The following MSH6 variants were observed in gnomAD, a reference collection of about 807,000 sequenced individuals.
MSH6 encodes the protein DNA mismatch repair protein Msh6.
Under a neutral mutation model 119.1 loss-of-function variants are expected in MSH6, and 85 were observed. That is an observed-to-expected ratio of 0.71 (90% CI 0.60 to 0.85). MSH6 has a LOEUF of 0.85. MSH6 is among the 40% of genes least tolerant of loss of function. The probability of loss-of-function intolerance (pLI) is 0.00; values close to 1 mark genes in which losing one functional copy is unlikely to be tolerated. For synonymous variants in MSH6, 830 were observed against 586.9 expected, an observed-to-expected ratio of 1.41 and a Z score of -5.99; for missense variants, 2,163 against 1,655.3, an observed-to-expected ratio of 1.31 and a Z score of -5.32.
intron 1 of MSH6, 169 bp downstream of exon 1, chr2:47,783,662 G>T (rs2103950125): frequency 1.6e-6 from 1 of 638,892 alleles, no homozygotes; most frequent in East Asian, 3.4e-5. Context: ...CGAGTCTGGA[G>T]CATTTGGGGG....
intron 5 of MSH6, among the ~76,000 whole-genome samples, chr2:47,804,323 A>T (rs1230303363): frequency 6.6e-6 from 1 of 152,150 alleles, no homozygotes; most frequent in Non-Finnish European, 1.5e-5. Context: ...TTCTCTTTAT[A>T]ACCAGGGGTT....
chr2:47,790,259 A>C (rs1668646160), intron 1 of MSH6, among the ~76,000 whole-genome samples: 1 of 151,952 alleles, frequency 6.6e-6, no homozygotes, highest in South Asian at 2.1e-4. Flanking sequence ...CTGACTCTAC[A>C]AAAAAAAGGT....
At position 47,791,001 on chromosome 2, in the gene MSH6, A is replaced by T. The variant is rs587779934; in HGVS notation, c.335A>T (p.Asn112Ile). 3 of 1,614,226 alleles carry T rather than the reference A, an allele frequency of 1.9e-6. No individual in the cohort carries two copies. The highest frequency in any genetic ancestry group is 1.7e-6 in the Non-Finnish European group (2 of 1,180,046). The change falls in exon 2 of 10, where the codon AAC (asparagine) becomes ATC (isoleucine). Residue 112 changes from asparagine (N) to isoleucine (I), a missense_variant. Coordinates refer to ENST00000234420, the MANE Select transcript of MSH6 (RefSeq NM_000179.3). Reference sequence around the variant, plus strand: ...CCCTGGTGGCCTTGTCTGGTTTACAACCACCCCTTTGATGGAACATTCATC... The same window carrying T: ...CCCTGGTGGCCTTGTCTGGTTTACATCCACCCCTTTGATGGAACATTCATC... ...GYPWWPCLVYNHPFDGTFIRE... is the reference protein window; with the variant it reads ...GYPWWPCLVYIHPFDGTFIRE...
intron 2 of MSH6, among the ~76,000 whole-genome samples, chr2:47,791,584 C>G (rs1303022469): frequency 6.6e-6 from 1 of 151,932 alleles, no homozygotes; most frequent in African/African-American, 2.4e-5. Flanking sequence ...CAGATCTAGT[C>G]TTGTTTATCA....
intron 3 of MSH6, 152 bp downstream of exon 3, chr2:47,796,215 A>C (rs1452375613): frequency 3.5e-6 from 3 of 866,544 alleles, no homozygotes; most frequent in Non-Finnish European, 5.6e-6. Flanking sequence ...AGTTCCCTGG[A>C]CTGTAGGATA....
At chr2:47,805,593 C>T (rs1558390501) in intron 6 of MSH6, 25 bp from the exon 7 acceptor site, 3 of 1,432,732 alleles carry the variant, frequency 2.1e-6, no homozygotes, top group Middle Eastern at 3.6e-4. Context: ...AATGAGTATT[C>T]ATTTGTGATT....
intron 3 of MSH6, among the ~76,000 whole-genome samples, chr2:47,796,913 G>A (rs1257933945): frequency 1.3e-5 from 2 of 152,186 alleles, no homozygotes; most frequent in Non-Finnish European, 2.9e-5. Context: ...GGGAGGCAGA[G>A]GGTGTAGTGA....
Position 47,803,559 on chromosome 2 carries a change from T to G in MSH6, c.3312T>G (p.Phe1104Leu). The change falls in exon 5 of 10, where the codon TTT becomes TTG. Residue 1104 changes from phenylalanine to leucine, a missense_variant. Physicochemically the swap from Phe to Leu is conservative, Grantham distance 22 (BLOSUM62 0). Coordinates refer to ENST00000234420, the MANE Select transcript of MSH6 (RefSeq NM_000179.3). ...SRHPCITKTF[F>L]GDDFIPNDIL... Reference sequence around the variant, plus strand: ...ATCCTTGCATTACGAAGACTTTTTTTGGAGATGATTTTATTCCTAATGACA... The same window carrying G: ...ATCCTTGCATTACGAAGACTTTTTTGGGAGATGATTTTATTCCTAATGACA... The G allele has an allele frequency of 6.2e-7, 1 of 1,614,148 alleles. No individual in the cohort carries two copies. Among genetic ancestry groups the G allele is most frequent in the South Asian group, 1.1e-5 (1 of 91,074 alleles).
chr2:47,792,939 T>C (rs1384268145), intron 2 of MSH6, among the ~76,000 whole-genome samples: 1 of 151,080 alleles, frequency 6.6e-6, no homozygotes, highest in East Asian at 1.9e-4. Flanking sequence ...GTGATCCTTC[T>C]GCATCAGGCT....
intron 1 of MSH6, among the ~76,000 whole-genome samples, chr2:47,786,643 C>T (rs188515984): frequency 2.0e-5 from 3 of 152,190 alleles, no homozygotes; most frequent in South Asian, 4.1e-4. Context: ...CGTGAGCCAC[C>T]GTGTCTGTCC....
At chr2:47,787,261 G>T (rs1275496803) in intron 1 of MSH6, among the ~76,000 whole-genome samples, 5 of 152,190 alleles carry the variant, frequency 3.3e-5, no homozygotes, top group East Asian at 1.9e-4. Context: ...ATGCACTCCA[G>T]CCTGGGTGGC....
Position 47,791,136 on chromosome 2 carries a change from A to G in MSH6, c.457+13A>G, listed in dbSNP as rs1800933. On this transcript the variant is annotated intron_variant, in intron 2 of 9. Coordinates refer to ENST00000234420, the MANE Select transcript of MSH6 (RefSeq NM_000179.3). Reference sequence around the variant, plus strand: ...AAGCCATATACAGGTAAGAGTCACTACTGCCATGTGTGTGTGTTTGTGTGT... The same window carrying G: ...AAGCCATATACAGGTAAGAGTCACTGCTGCCATGTGTGTGTGTTTGTGTGT... The G allele has an allele frequency of 5.9e-3, 9,530 of 1,610,210 alleles. 52 individuals are homozygous for G. The highest frequency in any genetic ancestry group is 0.011 in the South Asian group (960 of 90,924).
At chr2:47,807,906 G>A, downstream of MSH6, 5 of 499,610 alleles carry the variant, frequency 1.0e-5, no homozygotes, top group Admixed American at 1.8e-4. Flanking sequence ...TCTTTACACA[G>A]TAATGCTAAA....
intron 1 of MSH6, among the ~76,000 whole-genome samples, chr2:47,786,888 A>T (rs759695999): frequency 2.6e-5 from 4 of 152,036 alleles, no homozygotes; most frequent in Non-Finnish European, 5.9e-5. Flanking sequence ...CTCCCACTTC[A>T]GCCTCCCAAC....
At chr2:47,787,710 C>T (rs529087787) in intron 1 of MSH6, among the ~76,000 whole-genome samples, 13 of 152,232 alleles carry the variant, frequency 8.5e-5, no homozygotes, top group African/African-American at 2.6e-4. Context: ...TCGACCTATT[C>T]GGCTCAAGTG....
At chr2:47,809,848 C>T (rs570229476), downstream of MSH6, 3 of 571,156 alleles carry the variant, frequency 5.3e-6, no homozygotes, top group South Asian at 2.4e-5. Flanking sequence ...ATGTAGATAC[C>T]TATTTCAACC....
chr2:47,789,070 C>A (rs1240029934), intron 1 of MSH6, among the ~76,000 whole-genome samples: 1 of 150,988 alleles, frequency 6.6e-6, no homozygotes, highest in Non-Finnish European at 1.5e-5. Flanking sequence ...GGATTATAGG[C>A]CTCTGCCACT....
At chr2:47,793,581 TG>T (rs1668886634) in intron 2 of MSH6, among the ~76,000 whole-genome samples, 1 of 151,076 alleles carries the variant, frequency 6.6e-6, no homozygotes, top group South Asian at 2.1e-4. Context: ...CACTCCAGCC[TG>T]GGGAACGGAG....
chr2:47,803,591 T>C lies in MSH6; in HGVS notation c.3344T>C (p.Ile1115Thr), dbSNP rs747959862. The C allele has an allele frequency of 6.2e-7, 1 of 1,614,176 alleles. No individual in the cohort carries two copies. Reference protein sequence around the residue: ...GDDFIPNDILIGCEEEEQENG... With the variant: ...GDDFIPNDILTGCEEEEQENG... ...GATTTTATTCCTAATGACATTCTAA[T>C]AGGCTGTGAGGAAGAGGAGCAGGAA... is the stretch of plus-strand genomic sequence containing the variant. The change falls in exon 5 of 10, where the codon ATA (isoleucine) becomes ACA (threonine). Residue 1115 changes from isoleucine (I) to threonine (T), a missense_variant. By Grantham distance (89) the Ile-to-Thr change is moderately conservative. Coordinates refer to ENST00000234420, the MANE Select transcript of MSH6 (RefSeq NM_000179.3).
Sources: gnomAD v4.1 joint callset for allele counts (sites outside exome capture counted in the v4.1 genomes callset) on GRCh38, gnomAD v4.1.1 for gene constraint, MANE v1.5 for transcripts, NCBI Gene and HGNC (gene_info 2026-07-23, HGNC 2026-07-21) for gene names.